Variants in HMGB1 observed in about 807,000 individuals in gnomAD.
HMGB1 encodes high mobility group box 1.
For synonymous variants in HMGB1, 81 were observed against 84.0 expected (o/e 0.96, Z 0.19); for missense variants, 79 against 253.5 (o/e 0.31, Z 4.67).
intron 1 of HMGB1, among the ~76,000 whole-genome samples, chr13:30,510,979 T>C (rs1374272292): frequency 2.6e-5 from 4 of 152,168 alleles, no homozygotes; most frequent in Admixed American, 6.5e-5. Flanking sequence ...AGATAGTTTT[T>C]TACAAGTTGC....
intron 1 of HMGB1, among the ~76,000 whole-genome samples, chr13:30,520,386 G>A (rs1888210503): frequency 6.6e-6 from 1 of 151,270 alleles, no homozygotes; most frequent in Non-Finnish European, 1.5e-5. Flanking sequence ...TTGGGAGGCC[G>A]AGGCGGGCGG....
chr13:30,538,466 CTT>C (rs917221175), intron 1 of HMGB1, among the ~76,000 whole-genome samples: 12 of 66,556 alleles, frequency 1.8e-4, no homozygotes, highest in Non-Finnish European at 2.9e-4. Flanking sequence ...TTCTTTCTTT[CTT>C]TCTTTCTTTC....
chr13:30,601,121 C>T (rs886104522), intron 1 of HMGB1, among the ~76,000 whole-genome samples: 2 of 152,206 alleles, frequency 1.3e-5, no homozygotes, highest in Non-Finnish European at 2.9e-5. Flanking sequence ...TAATTTCCCC[C>T]ACCCTTAAGA....
At chr13:30,465,464 C>G (rs1194134323) in intron 1 of HMGB1, among the ~76,000 whole-genome samples, 1 of 147,138 alleles carries the variant, frequency 6.8e-6, no homozygotes, top group Admixed American at 6.7e-5. Flanking sequence ...ACGCCCGGCC[C>G]GAGGGCCCAA....
intron 1 of HMGB1, among the ~76,000 whole-genome samples, chr13:30,544,552 G>A (rs915731754): frequency 1.3e-5 from 2 of 152,200 alleles, no homozygotes; most frequent in African/African-American, 2.4e-5. Context: ...GACTGGGTTC[G>A]CAGAGCTTCC....
chr13:30,553,123 G>T (rs560999898), intron 1 of HMGB1, among the ~76,000 whole-genome samples: 1 of 152,170 alleles, frequency 6.6e-6, no homozygotes, highest in African/African-American at 2.4e-5. Context: ...CATGTTAAAA[G>T]GTTCCTCAGA....
rs541763528 is a variant in HMGB1, at chr13:30,484,264, A to C, written c.-14-20570T>G. On this transcript the variant is annotated intron_variant, in intron 1 of 4. Coordinates refer to the HMGB1 transcript ENST00000405805. The stretch of plus-strand genomic sequence containing the variant: ...GACCTTCACCTCTGTAAGCCCCTGC[A>C]GGGCAGGGTGTGCTTTCTTCCCCAT... 1.9e-4 allele frequency among the ~76,000 whole-genome samples: 29 copies of C among 152,312 alleles called. 1 individual carries two copies. Among genetic ancestry groups the C allele is most frequent in the Admixed American group, 1.5e-3 (23 of 15,304 alleles).
chr13:30,548,043 C>T (rs540258964), intron 1 of HMGB1, among the ~76,000 whole-genome samples: 6 of 152,242 alleles, frequency 3.9e-5, no homozygotes, highest in African/African-American at 1.4e-4. Flanking sequence ...AGAAAATTTG[C>T]AATAGGAATA....
At chr13:30,584,020 A>G (rs1346795497) in intron 1 of HMGB1, among the ~76,000 whole-genome samples, 1 of 151,988 alleles carries the variant, frequency 6.6e-6, no homozygotes, top group Non-Finnish European at 1.5e-5. Context: ...AGAAAAGAAA[A>G]GAATGAATGA....
At chr13:30,592,823 GT>G (rs2137554867) in intron 1 of HMGB1, among the ~76,000 whole-genome samples, 2 of 147,424 alleles carry the variant, frequency 1.4e-5, no homozygotes, top group East Asian at 4.2e-4. Context: ...CTGTGATACT[GT>G]TGAAAATTAT....
At chr13:30,473,747 C>A (rs951953941) in intron 1 of HMGB1, among the ~76,000 whole-genome samples, 2 of 152,188 alleles carry the variant, frequency 1.3e-5, no homozygotes, top group African/African-American at 4.8e-5. Flanking sequence ...AGCAATTCCA[C>A]TCCTAGGTAT....
At chr13:30,604,814 C>T (rs999448179) in intron 1 of HMGB1, among the ~76,000 whole-genome samples, 1 of 152,136 alleles carries the variant, frequency 6.6e-6, no homozygotes, top group Non-Finnish European at 1.5e-5. Flanking sequence ...CGTGCCACCA[C>T]ACCCAGCTAA....
intron 1 of HMGB1, among the ~76,000 whole-genome samples, chr13:30,576,902 G>C (rs936571211): frequency 6.6e-6 from 1 of 152,124 alleles, no homozygotes; most frequent in African/African-American, 2.4e-5. Context: ...AATTGTCGCT[G>C]TCATGGACTG....
chr13:30,459,893 C>T lies in HMGB1; in HGVS notation c.*1464G>A, dbSNP rs1347412201. The T allele has an allele frequency of 2.0e-5, 3 of 152,602 alleles. No individual in the cohort carries two copies. The highest frequency in any genetic ancestry group is 4.4e-5 in the Non-Finnish European group (3 of 68,004). 9.5% of individuals were successfully genotyped at this position (152,602 alleles called of 1,614,324 possible). A position where few individuals can be genotyped will look rare whatever the true frequency, so the allele number is the denominator to read the frequency against. ...ATTAGTTTATTAGTATCATCCAGGA[C>T]TCAGATGTTCAGTATTCCTCCTGAA... On this transcript the variant is annotated 3_prime_UTR_variant, in exon 5 of 5. Transcript: ENST00000341423.
chr13:30,462,275 A>C (rs1463825634), intron 4 of HMGB1: 1 of 473,256 alleles, frequency 2.1e-6, no homozygotes, highest in African/African-American at 2.0e-5. Context: ...TGAAGTGACT[A>C]CCAACATTTT....
At chr13:30,474,833 ACTCT>A (rs1440730295) in intron 1 of HMGB1, among the ~76,000 whole-genome samples, 3 of 87,454 alleles carry the variant, frequency 3.4e-5, no homozygotes, top group East Asian at 3.6e-4. Flanking sequence ...CAACCTTGGC[ACTCT>A]CTCTCTCTCT....
rs558913409 is a variant in HMGB1 at position 30,459,565 on chromosome 13, T to C, written c.*1792A>G. 1 of 152,310 alleles carries C rather than the reference T, an allele frequency of 6.6e-6. No homozygotes were observed. The highest frequency in any genetic ancestry group is 2.1e-4 in the South Asian group (1 of 4,834). The allele number at this position is 152,310 out of a possible 1,614,324, so 9.4% of individuals were successfully genotyped here. A position where few individuals can be genotyped will look rare whatever the true frequency, so the allele number is the denominator to read the frequency against. On this transcript the variant is annotated 3_prime_UTR_variant, in exon 5 of 5. Coordinates refer to ENST00000341423, the MANE Select transcript of HMGB1 (RefSeq NM_002128.7). ...TTGCAGCCTATCACTAACCCTGCTG[T>C]TCGCTTGCATGTATCTTGTTTTTAA...
chr13:30,484,765 A>AAGAGG lies in HMGB1; in HGVS notation c.-14-21076_-14-21072dup, dbSNP rs71858402. Among the ~76,000 whole-genome samples the AAGAGG allele has an allele frequency of 3.7e-3, 563 of 150,530 alleles. 3 individuals are homozygous for AAGAGG. The highest frequency in any genetic ancestry group is 6.1e-3 in the Non-Finnish European group (410 of 67,576). ...AGGAGGAGGAGTAGGAGGAAGAGGA[A>AAGAGG]AGAGGAGAGGAGAGGAGAGGAGAGA... is the stretch of plus-strand genomic sequence containing the variant. On this transcript the variant is annotated intron_variant, in intron 1 of 4. Coordinates refer to the HMGB1 transcript ENST00000405805.
At chr13:30,526,965 A>G (rs1178761074) in intron 1 of HMGB1, among the ~76,000 whole-genome samples, 1 of 152,182 alleles carries the variant, frequency 6.6e-6, no homozygotes, top group African/African-American at 2.4e-5. Flanking sequence ...AGTGTTTTCC[A>G]CACATCCTTC....
Sources: gnomAD v4.1 joint callset for allele counts (sites outside exome capture counted in the v4.1 genomes callset) on GRCh38, gnomAD v4.1.1 for gene constraint, MANE v1.5 for transcripts, NCBI Gene and HGNC (gene_info 2026-07-23, HGNC 2026-07-21) for gene names.